PLA2G6: variants seen among roughly 807,000 people sequenced by gnomAD.
PLA2G6 encodes phospholipase A2 group VI.
A neutral mutation model predicts 83.8 loss-of-function variants in PLA2G6; 62 were observed. The observed-to-expected ratio is 0.74, with a 90% CI of 0.60 to 0.91. PLA2G6 has a LOEUF of 0.91. PLA2G6 is among the 40% of genes least tolerant of loss of function. PLA2G6 has a pLI of 0.00. For missense variants in PLA2G6, 944 were observed against 1,102.0 expected (o/e 0.86, Z 2.03); for synonymous variants, 417 against 449.8 (o/e 0.93, Z 0.92).
At position 38,123,101 on chromosome 22, in the gene PLA2G6, G is replaced by A; in HGVS notation, c.1585C>T (p.Leu529=). The change falls in exon 11 of 17, where the codon CTG becomes TTG. Residue 529 remains leucine, a synonymous_variant. Coordinates refer to ENST00000332509, the MANE Select transcript of PLA2G6 (RefSeq NM_003560.4). This position sits in a 1 kb window ranked among gnomAD's most constrained non-coding sequence, Gnocchi z 4.1. ...STGGILALAI[L]HSKSMAYMRG... Reference sequence around the variant, plus strand: ...CCCCAGGGGCCGCCCTCACTGTGCAGAATGGCCAGGGCCAGGATGCCTCCA... The same window carrying A: ...CCCCAGGGGCCGCCCTCACTGTGCAAAATGGCCAGGGCCAGGATGCCTCCA... The A allele has an allele frequency of 6.5e-7, 1 of 1,549,070 alleles. No individual in the cohort carries two copies. The highest frequency in any genetic ancestry group is 8.7e-7 in the Non-Finnish European group (1 of 1,147,092).
At chr22:38,122,217 T>G (rs374033259) in intron 11 of PLA2G6, among the ~76,000 whole-genome samples, 1 of 151,908 alleles carries the variant, frequency 6.6e-6, no homozygotes, top group African/African-American at 2.4e-5. Flanking sequence ...TGGGGAGTCC[T>G]CCCCGGGCAC....
At chr22:38,120,111 T>C (rs2087438945) in intron 12 of PLA2G6, among the ~76,000 whole-genome samples, 1 of 152,156 alleles carries the variant, frequency 6.6e-6, no homozygotes, top group African/African-American at 2.4e-5. Flanking sequence ...AAAACACTCC[T>C]CTTGGAACAC....
chr22:38,118,363 A>G (rs1306039911), intron 12 of PLA2G6, among the ~76,000 whole-genome samples: 1 of 152,188 alleles, frequency 6.6e-6, no homozygotes, highest in Non-Finnish European at 1.5e-5. Context: ...TATTTGTTAC[A>G]TGGGTATACG....
chr22:38,141,590 C>G (rs2088906484), intron 4 of PLA2G6: 1 of 152,192 alleles, frequency 6.6e-6, no homozygotes, highest in African/African-American at 2.4e-5. Flanking sequence ...GGGCACGCTT[C>G]TTAATTAACA....
chr22:38,116,382 G>C, intron 12 of PLA2G6, 171 bp from the exon 13 acceptor site: 2 of 788,364 alleles, frequency 2.5e-6, no homozygotes, highest in Non-Finnish European at 4.4e-6. Context: ...CTCTCCGGCA[G>C]TGCTGGAGGA....
intron 10 of PLA2G6, among the ~76,000 whole-genome samples, chr22:38,125,201 T>C (rs2087772677): frequency 6.6e-6 from 1 of 152,130 alleles, no homozygotes; most frequent in Non-Finnish European, 1.5e-5. Context: ...TGTGTATGTG[T>C]GTGCATGCAC....
intron 3 of PLA2G6, chr22:38,145,131 T>G (rs779656384): frequency 2.4e-5 from 9 of 371,660 alleles, no homozygotes; most frequent in Non-Finnish European, 4.6e-5. Context: ...AAACTCTAAC[T>G]CCTGGGCTCA....
chr22:38,134,957 G>GCCCCCCCCC, intron 6 of PLA2G6, 31 bp downstream of exon 6: 5 of 995,316 alleles, frequency 5.0e-6, no homozygotes, highest in East Asian at 2.4e-5. Flanking sequence ...CCGGCCCCCT[G>GCCCCCCCCC]CCCCACCCAC....
At chr22:38,127,446 C>A (rs763614918) in intron 9 of PLA2G6, 1 of 1,331,522 alleles carries the variant, frequency 7.5e-7, no homozygotes, top group Admixed American at 2.1e-5. Context: ...TCCGGCCTGG[C>A]TTGGGTGACT....
intron 2 of PLA2G6, among the ~76,000 whole-genome samples, chr22:38,160,276 A>C (rs1266060531): frequency 6.6e-6 from 1 of 152,204 alleles, no homozygotes; most frequent in Non-Finnish European, 1.5e-5. Flanking sequence ...AGTGCCATTT[A>C]CTGCTGCTTG....
intron 10 of PLA2G6, among the ~76,000 whole-genome samples, chr22:38,124,875 A>AGCAAACTCCCGAAGAT (rs2087741875): frequency 1.3e-5 from 2 of 152,150 alleles, no homozygotes; most frequent in African/African-American, 2.4e-5. Context: ...TGGAGGCCAA[A>AGCAAACTCCCGAAGAT]GCAAACTCCC....
chr22:38,161,355 C>A (rs1046591573), intron 2 of PLA2G6, among the ~76,000 whole-genome samples: 1 of 152,134 alleles, frequency 6.6e-6, no homozygotes, highest in East Asian at 1.9e-4. Context: ...ATGGCAGAGA[C>A]AGATCATCTC....
chr22:38,172,882 C>T (rs1028878735), intron 1 of PLA2G6, among the ~76,000 whole-genome samples: 1 of 152,260 alleles, frequency 6.6e-6, no homozygotes, highest in Non-Finnish European at 1.5e-5. Context: ...CCCACACACC[C>T]ACGACAGCAT....
intron 12 of PLA2G6, chr22:38,116,546 A>T: frequency 2.4e-6 from 1 of 418,586 alleles, no homozygotes. Context: ...ACCAACACAC[A>T]CTGCAGACGT....
At chr22:38,177,266 T>A (rs1298017309) in intron 1 of PLA2G6, among the ~76,000 whole-genome samples, 3 of 151,868 alleles carry the variant, frequency 2.0e-5, no homozygotes. Flanking sequence ...CATCTGAGCC[T>A]CTGAACCTCC....
Position 38,143,281 on chromosome 22 carries a change from T to G in PLA2G6, c.433A>C (p.Asn145His). 9 of 1,611,708 alleles carry G rather than the reference T, an allele frequency of 5.6e-6. No homozygotes were observed. Among genetic ancestry groups the G allele is most frequent in the Non-Finnish European group, 8.5e-7 (1 of 1,180,006 alleles). Residue 145 changes from asparagine to histidine, a missense_variant, in exon 4 of 17, where the codon AAT becomes CAT. Physicochemically the swap from Asn to His is moderately conservative, Grantham distance 68. Transcript: ENST00000332509. Reference sequence around the variant, plus strand: ...CAGCCCTCCTCGTTCTCCGCGCAATTGGCACAGCTGCAGGAGAGGGCCAGG... The same window carrying G: ...CAGCCCTCCTCGTTCTCCGCGCAATGGGCACAGCTGCAGGAGAGGGCCAGG... ...FHHSRIISCANCAENEEGCTP... is the reference protein window; with the variant it reads ...FHHSRIISCAHCAENEEGCTP...
intron 2 of PLA2G6, chr22:38,148,635 A>C (rs1277962131): frequency 2.9e-6 from 2 of 700,812 alleles, no homozygotes; most frequent in African/African-American, 3.6e-5. Context: ...TGCCAAGAGG[A>C]GAGCCCTGAT....
intron 1 of PLA2G6, among the ~76,000 whole-genome samples, chr22:38,175,295 C>T (rs1037461121): frequency 6.6e-6 from 1 of 152,152 alleles, no homozygotes; most frequent in African/African-American, 2.4e-5. Context: ...CCAGCCTGCA[C>T]GGTTCCCAAC....
rs2089742162 is a variant in PLA2G6, at chr22:38,155,503, T to C, written c.210-9850A>G. Among the ~76,000 whole-genome samples, 3 of 152,114 alleles carry C rather than the reference T, an allele frequency of 2.0e-5. No homozygotes were observed. The South Asian group carries it at 6.2e-4, about 32-fold the overall frequency. On this transcript the variant is annotated intron_variant, in intron 2 of 16. Coordinates refer to ENST00000332509, the MANE Select transcript of PLA2G6 (RefSeq NM_003560.4). ...ACTACAACTTTTCAGACATAAACAG[T>C]ACAATAAGTTAAAAAGTGGGGGGAC...
Sources: allele counts gnomAD v4.1 joint callset (sites outside exome capture counted in the v4.1 genomes callset), GRCh38; gene constraint gnomAD v4.1.1; non-coding constraint Gnocchi (gnomAD v3.1); transcripts MANE v1.5; gene names NCBI Gene and HGNC (gene_info 2026-07-23, HGNC 2026-07-21).